The following SPRYD3 variants were observed in gnomAD, a reference collection of about 807,000 sequenced individuals.
The protein encoded by SPRYD3 is SPRY domain-containing protein 3.
In SPRYD3, 17 loss-of-function variants were observed where a neutral mutation model predicts 50.1. That is an observed-to-expected ratio of 0.34 (90% CI 0.23 to 0.51). The LOEUF is 0.51. SPRYD3 is among the 20% of genes least tolerant of loss of function. The pLI is 0.97. For missense variants in SPRYD3, 401 were observed against 591.2 expected (o/e 0.68, Z 3.34); for synonymous variants, 198 against 215.5 (o/e 0.92, Z 0.71).
Position 53,073,461 on chromosome 12 carries a change from G to A in SPRYD3, c.518C>T (p.Thr173Ile). The change falls in exon 6 of 11, where the codon ACC (threonine) becomes ATC (isoleucine). Residue 173 changes from threonine (T) to isoleucine (I), a missense_variant. By Grantham distance (89) the Thr-to-Ile change is moderately conservative. Transcript: ENST00000301463. ...TCCATCTGGGGACATGGGCATGATG[G>A]TAGAGCCCACCTGCAGTGGGGGGAA... ...FTKNGKRVGS[T>I]IMPMSPDGLF... 6.5e-7 allele frequency: 1 copy of A among 1,544,070 alleles called. No homozygotes were observed. The highest frequency in any genetic ancestry group is 8.8e-7 in the Non-Finnish European group (1 of 1,138,148).
In SPRYD3 at chr12:53,074,637, T is replaced by G; in HGVS notation, c.507+12A>C. 1 of 1,614,240 alleles carries G rather than the reference T, an allele frequency of 6.2e-7. No homozygotes were observed. Among genetic ancestry groups the G allele is most frequent in the Non-Finnish European group, 8.5e-7 (1 of 1,180,034 alleles). On this transcript the variant is annotated intron_variant, in intron 5 of 10. Coordinates refer to ENST00000301463, the MANE Select transcript of SPRYD3 (RefSeq NM_032840.3). This position sits in a 1 kb window ranked among gnomAD's most constrained non-coding sequence, Gnocchi z 4.6. ...TTCAGCCACGTAAATCCCACCACTA[T>G]TTCCCACTCACCCGCTTCCCATTTT...
At chr12:53,073,191 C>G (rs546185076) in intron 6 of SPRYD3, 95 bp downstream of exon 6, 58 of 816,380 alleles carry the variant, frequency 7.1e-5, no homozygotes, top group Admixed American at 1.4e-4. Context: ...TCCCGACTCC[C>G]CATTCCCAGC....
intron 1 of SPRYD3, 106 bp downstream of exon 1, chr12:53,079,205 G>C: frequency 8.2e-7 from 1 of 1,221,576 alleles, no homozygotes; most frequent in Non-Finnish European, 1.2e-6. Flanking sequence ...CCAGAGCGCA[G>C]GGCCCCGCCC....
In SPRYD3 at chr12:53,064,629, G is replaced by A. The variant is rs1363452871; in HGVS notation, c.*1203C>T. The A allele has an allele frequency of 1.3e-5, 2 of 152,678 alleles. No individual in the cohort carries two copies. Among genetic ancestry groups the A allele is most frequent in the Non-Finnish European group, 2.9e-5 (2 of 68,082 alleles). The allele number at this position is 152,678 out of a possible 1,614,324, so 9.5% of individuals were successfully genotyped here. A position where few individuals can be genotyped will look rare whatever the true frequency, so the allele number is the denominator to read the frequency against. On this transcript the variant is annotated 3_prime_UTR_variant, in exon 11 of 11. Coordinates refer to ENST00000301463, the MANE Select transcript of SPRYD3 (RefSeq NM_032840.3). ...TACGGAAACTCCATCTTTATCGGCT[G>A]TATAAACATCTCTGGTCTGTACATA... is the stretch of plus-strand genomic sequence containing the variant.
chr12:53,068,301 G>A lies in SPRYD3; in HGVS notation c.697C>T (p.Leu233=). ...LHDVRVCGTL[L]EYLGKGKSIV... is the part of the protein sequence containing the mutation. ...CTTTTGCCCTTCCCTAAGTACTCCA[G>A]CAGCTGTGGGGGAAGAGCCAGATGG... The change falls in exon 7 of 11, where the codon CTG becomes TTG. Residue 233 remains leucine, a synonymous_variant. Transcript: ENST00000301463. 1.2e-6 allele frequency: 2 copies of A among 1,613,910 alleles called. No homozygotes were observed. The highest frequency in any genetic ancestry group is 2.7e-5 in the African/African-American group (2 of 75,078).
intron 6 of SPRYD3, among the ~76,000 whole-genome samples, chr12:53,071,723 TAA>T (rs60600870): frequency 3.1e-4 from 32 of 104,474 alleles, no homozygotes; most frequent in Non-Finnish European, 3.1e-4. Flanking sequence ...TAGCCTGTCT[TAA>T]AAAAAAAAAA....
chr12:53,070,144 G>A (rs1179089335), intron 6 of SPRYD3, among the ~76,000 whole-genome samples: 1 of 152,124 alleles, frequency 6.6e-6, no homozygotes, highest in Non-Finnish European at 1.5e-5. Flanking sequence ...AGAGCACTTC[G>A]GACAGAATGC....
Position 53,066,335 on chromosome 12 carries a change from C to G in SPRYD3, c.1173G>C (p.Glu391Asp). ...TCACCACCACCTTCCTGCCCTCATG[C>G]TCCGGCTCTATCTCTTCCCCATCCT... ...EEEDGEEIEP[E>D]HEGRKVVVFF... is the part of the protein sequence containing the mutation. The change falls in exon 10 of 11, where the codon GAG (glutamate) becomes GAC (aspartate). Residue 391 changes from glutamate (E) to aspartate (D), a missense_variant. Transcript: ENST00000301463. The G allele has an allele frequency of 6.2e-7, 1 of 1,614,092 alleles. No homozygotes were observed. The highest frequency in any genetic ancestry group is 8.5e-7 in the Non-Finnish European group (1 of 1,179,988).
At chr12:53,071,010 C>T (rs1944545645) in intron 6 of SPRYD3, among the ~76,000 whole-genome samples, 1 of 152,112 alleles carries the variant, frequency 6.6e-6, no homozygotes, top group African/African-American at 2.4e-5. Context: ...CAGTCTCGTG[C>T]ACTCCACACC....
In SPRYD3 at chr12:53,076,598, CT is replaced by C. The variant is rs113851926; in HGVS notation, c.170+516del. The stretch of plus-strand genomic sequence containing the variant: ...CAGCCTCCTGTGTCTGATGTGATCC[CT>C]TCCCCTACCCAGCTGGATCCCCTCC... On this transcript the variant is annotated intron_variant, in intron 2 of 10. Coordinates refer to ENST00000301463, the MANE Select transcript of SPRYD3 (RefSeq NM_032840.3). 5.9e-5 allele frequency among the ~76,000 whole-genome samples: 9 copies of C among 152,314 alleles called. 1 individual carries two copies. The highest frequency in any genetic ancestry group is 1.9e-4 in the African/African-American group (8 of 41,562).
chr12:53,075,838 C>T (rs1592266854), intron 2 of SPRYD3, 27 bp from the exon 3 acceptor site: 1 of 1,592,614 alleles, frequency 6.3e-7, no homozygotes, highest in East Asian at 2.2e-5. Context: ...GGGGGAATTC[C>T]ATTAGCAGCC....
chr12:53,073,251 A>ACC, intron 6 of SPRYD3, 35 bp downstream of exon 6: 1 of 483,914 alleles, frequency 2.1e-6, no homozygotes, highest in African/African-American at 2.0e-5. Flanking sequence ...GCCTCCTCCG[A>ACC]CCCAGCCCCT....
intron 6 of SPRYD3, among the ~76,000 whole-genome samples, chr12:53,070,008 A>T (rs1351198410): frequency 6.6e-6 from 1 of 152,182 alleles, no homozygotes; most frequent in African/African-American, 2.4e-5. Flanking sequence ...CCTTTGCCTC[A>T]GCTCAGAAGA....
rs1944574152 is a variant in SPRYD3 at position 53,074,538 on chromosome 12, CA to C, written c.507+110del. 3.8e-6 allele frequency: 5 copies of C among 1,324,504 alleles called. No homozygotes were observed. The highest frequency in any genetic ancestry group is 5.3e-6 in the Non-Finnish European group (5 of 935,260). The allele number at this position is 1,324,504 out of a possible 1,614,324, so 82.0% of individuals were successfully genotyped here. A position where few individuals can be genotyped will look rare whatever the true frequency, so the allele number is the denominator to read the frequency against. On this transcript the variant is annotated intron_variant, in intron 5 of 10. Coordinates refer to ENST00000301463, the MANE Select transcript of SPRYD3 (RefSeq NM_032840.3). This position sits in a 1 kb window ranked among gnomAD's most constrained non-coding sequence, Gnocchi z 4.6. ...GGCTGGACTGGAGGAGATGGGAACTCAGTGCAAGGGTCCCTGGGCAAGCCCC... is the reference window on the plus strand; with the variant it reads ...GGCTGGACTGGAGGAGATGGGAACTCGTGCAAGGGTCCCTGGGCAAGCCCC...
chr12:53,066,038 C>T (rs1944501943), intron 10 of SPRYD3, 72 bp from the exon 11 acceptor site: 2 of 1,545,516 alleles, frequency 1.3e-6, no homozygotes, highest in African/African-American at 1.4e-5. Context: ...TGGAGCTCCA[C>T]AGGCCTGAAC....
intron 8 of SPRYD3, among the ~76,000 whole-genome samples, chr12:53,067,396 G>A (rs1944517594): frequency 6.6e-6 from 1 of 152,162 alleles, no homozygotes; most frequent in African/African-American, 2.4e-5. Flanking sequence ...AGGGCACGGG[G>A]GGACCAGCTC....
chr12:53,075,246 C>G lies in SPRYD3; in HGVS notation c.247-27G>C, dbSNP rs1944580166. The G allele has an allele frequency of 1.9e-6, 3 of 1,587,724 alleles. No homozygotes were observed. In the South Asian group the frequency reaches 3.3e-5, roughly 18 times the overall value. On this transcript the variant is annotated intron_variant, in intron 3 of 10. Coordinates refer to ENST00000301463, the MANE Select transcript of SPRYD3 (RefSeq NM_032840.3). ...TGGAGAGAAGAAAGCAGGGCACAGTCAGCAGGGCTGGGAAATGGGATGAAT... is the reference window on the plus strand; with the variant it reads ...TGGAGAGAAGAAAGCAGGGCACAGTGAGCAGGGCTGGGAAATGGGATGAAT...
In SPRYD3 at chr12:53,073,596, G is replaced by C. The variant is rs181950787; in HGVS notation, c.508-125C>G. 1.7e-4 allele frequency: 116 copies of C among 690,774 alleles called. No homozygotes were observed. The African/African-American group carries it at 1.9e-3, about 11-fold the overall frequency. The allele number at this position is 690,774 out of a possible 1,614,324, so 42.8% of individuals were successfully genotyped here. On this transcript the variant is annotated intron_variant, in intron 5 of 10. Coordinates refer to ENST00000301463, the MANE Select transcript of SPRYD3 (RefSeq NM_032840.3). ...GTGGTGGCTCACGCCTGTAATCCCA[G>C]CACTTTGGGAGGCCGAGGTGGGCGG...
chr12:53,073,256 G>GCCCCCGGGGGGGCCCCCCC, intron 6 of SPRYD3, 30 bp downstream of exon 6: 1 of 424,134 alleles, frequency 2.4e-6, no homozygotes, highest in Non-Finnish European at 4.4e-6. Context: ...CTCCGACCCA[G>GCCCCCGGGGGGGCCCCCCC]CCCCTCCCAC....
Sources: allele counts gnomAD v4.1 joint callset (sites outside exome capture counted in the v4.1 genomes callset), GRCh38; gene constraint gnomAD v4.1.1; non-coding constraint Gnocchi (gnomAD v3.1); transcripts MANE v1.5; gene names NCBI Gene and HGNC (gene_info 2026-07-23, HGNC 2026-07-21).